The following MGAM variants were observed in gnomAD, a reference collection of about 807,000 sequenced individuals.
MGAM encodes maltase-glucoamylase, also known as alpha-1,4-glucosidase.
Under a neutral mutation model 358.8 loss-of-function variants are expected in MGAM, and 253 were observed. That is an observed-to-expected ratio of 0.71 (90% confidence interval 0.64 to 0.78). The LOEUF (loss-of-function observed/expected upper bound fraction) is 0.78. Ranked by LOEUF, MGAM falls within the 30% of genes least tolerant of loss-of-function variation. The pLI is 0.00. For missense variants in MGAM, 3,080 were observed against 3,432.6 expected (o/e 0.90, Z 2.57); for synonymous variants, 1,105 against 1,227.1 (o/e 0.90, Z 2.08).
intron 37 of MGAM, among the ~76,000 whole-genome samples, chr7:142,064,761 T>C (rs184802274): frequency 2.0e-5 from 3 of 152,250 alleles, no homozygotes; most frequent in African/African-American, 4.8e-5. Flanking sequence ...TTAATGATCC[T>C]AGTGGGAAAG....
intron 29 of MGAM, 55 bp from the exon 30 acceptor site, chr7:142,056,775 G>T: frequency 1.3e-6 from 2 of 1,558,186 alleles, no homozygotes; most frequent in East Asian, 2.3e-5. Flanking sequence ...GATTTCAGGG[G>T]TGATTCGTGA....
intron 65 of MGAM, among the ~76,000 whole-genome samples, chr7:142,097,207 G>A (rs1815999732): frequency 6.6e-6 from 1 of 152,126 alleles, no homozygotes; most frequent in African/African-American, 2.4e-5. Context: ...AAAGTGCTGA[G>A]ATGACAGACG....
rs180872768 is a variant in MGAM, at chr7:142,072,179, G to T, written c.5186+1061G>T. On this transcript the variant is annotated intron_variant, in intron 44 of 70. Coordinates refer to ENST00000475668, the MANE Select transcript of MGAM (RefSeq NM_001365693.1). ...AAGTCCAAAGTCTTTCATTAATAGG[G>T]TATTCAAAACCAATCACAACCTGGT... Among the ~76,000 whole-genome samples, 18 of 145,756 alleles carry T rather than the reference G, an allele frequency of 1.2e-4. 1 individual carries two copies. The highest frequency in any genetic ancestry group is 3.9e-4 in the African/African-American group (16 of 41,132).
At chr7:142,060,017 T>A (rs889733426) in intron 33 of MGAM, 51 bp downstream of exon 33, 488 of 644,962 alleles carry the variant, frequency 7.6e-4, no homozygotes, top group Non-Finnish European at 1.1e-3. Flanking sequence ...GGTGGGTCAC[T>A]GTTGGTGGGT....
At chr7:142,054,611 G>A in intron 26 of MGAM, 143 bp from the exon 27 acceptor site, 1 of 950,010 alleles carries the variant, frequency 1.1e-6, no homozygotes, top group Non-Finnish European at 1.5e-6. Context: ...ATTGTTATCT[G>A]ATATATTAAT....
chr7:142,062,282 C>T (rs1296611003), intron 34 of MGAM, among the ~76,000 whole-genome samples: 2 of 152,138 alleles, frequency 1.3e-5, no homozygotes, highest in Admixed American at 6.5e-5. Context: ...GGTTGGGCAT[C>T]GAGTGCATGA....
chr7:142,085,225 C>CCT (rs1265109097), intron 54 of MGAM, among the ~76,000 whole-genome samples: 1 of 146,454 alleles, frequency 6.8e-6, no homozygotes, highest in African/African-American at 2.4e-5. Context: ...ATCCAATGTA[C>CCT]CATCGCATAT....
rs371423578 is a variant in MGAM, at chr7:142,040,165, C to A, written c.2367C>A (p.Tyr789Ter). ...AYVPDAVWYD[Y>*]ETGSQVRWRK... ...TGCCTGATGCTGTCTGGTATGACTA[C>A]GAGACTGTAAGTAGCTTTGACTTTT... Residue 789 changes from tyrosine to a stop codon, truncating the protein, a stop_gained, in exon 20 of 71, where the codon TAC (tyrosine) becomes TAA (stop). Transcript: ENST00000475668. LOFTEE classifies it high-confidence loss of function. 3 of 1,611,380 alleles carry A rather than the reference C, an allele frequency of 1.9e-6. No homozygotes were observed. In the South Asian group the frequency reaches 3.3e-5, roughly 18 times the overall value.
chr7:142,094,546 A>T (rs1289142013), intron 61 of MGAM, 49 bp downstream of exon 61: 8 of 1,556,394 alleles, frequency 5.1e-6, no homozygotes, highest in Non-Finnish European at 7.1e-6. Context: ...GGGAGTTGGG[A>T]TCCTTGGGGA....
chr7:142,076,730 A>G lies in MGAM; in HGVS notation c.5397A>G (p.Lys1799=), dbSNP rs769983752. 4 of 1,553,330 alleles carry G rather than the reference A, an allele frequency of 2.6e-6. No individual in the cohort carries two copies. The East Asian group carries it at 9.1e-5, about 35-fold the overall frequency. ...ATAATTTAGCATTCAATGAGATTAA[A>G]ATTCTTGGGATGGAGGAACCTAGCA... ...DPNNLAFNEI[K]ILGMEEPSNV... The change falls in exon 47 of 71, where the codon AAA becomes AAG. Residue 1799 remains lysine, a synonymous_variant. Coordinates refer to ENST00000475668, the MANE Select transcript of MGAM (RefSeq NM_001365693.1).
intron 1 of MGAM, among the ~76,000 whole-genome samples, chr7:142,000,591 A>G (rs1238053209): frequency 6.6e-6 from 1 of 152,144 alleles, no homozygotes; most frequent in African/African-American, 2.4e-5. Flanking sequence ...AATTAAAAAC[A>G]CCTGCCGTGT....
At chr7:142,033,766 C>T (rs782199627) in intron 14 of MGAM, among the ~76,000 whole-genome samples, 22 of 152,020 alleles carry the variant, frequency 1.4e-4, no homozygotes, top group African/African-American at 2.2e-4. Context: ...TAAGACATGA[C>T]GAAGCTACTG....
chr7:142,014,443 C>T (rs1010506614), intron 3 of MGAM, among the ~76,000 whole-genome samples: 2 of 152,124 alleles, frequency 1.3e-5, no homozygotes, highest in East Asian at 3.9e-4. Flanking sequence ...TATTTATTTT[C>T]ACAATGGTTT....
intron 18 of MGAM, 64 bp from the exon 19 acceptor site, chr7:142,038,467 A>C: frequency 4.8e-6 from 6 of 1,252,970 alleles, no homozygotes; most frequent in Non-Finnish European, 6.8e-6. Flanking sequence ...GTGTGTGAGT[A>C]GAGCTGCTAC....
chr7:142,060,269 A>G, intron 33 of MGAM, 42 bp from the exon 34 acceptor site: 1 of 1,602,394 alleles, frequency 6.2e-7, no homozygotes, highest in Non-Finnish European at 8.6e-7. Flanking sequence ...ATGTAAGGGA[A>G]ATTGTCTAGT....
At chr7:141,996,864 A>G (rs1437458382) in intron 1 of MGAM, among the ~76,000 whole-genome samples, 1 of 152,090 alleles carries the variant, frequency 6.6e-6, no homozygotes, top group African/African-American at 2.4e-5. Context: ...AGGAGGTCAT[A>G]AAGAGAAAGG....
chr7:142,071,536 G>A (rs1319734028), intron 44 of MGAM, among the ~76,000 whole-genome samples: 3 of 146,014 alleles, frequency 2.1e-5, no homozygotes, highest in African/African-American at 7.3e-5. Flanking sequence ...CAGCCTCCTT[G>A]GTTTGCCAGG....
chr7:142,043,128 TATTA>T (rs1423542912), intron 21 of MGAM, among the ~76,000 whole-genome samples: 276 of 24,072 alleles, frequency 0.011, no homozygotes, highest in Admixed American at 0.02. Context: ...ATAATATATA[TATTA>T]TATATACATA....
intron 21 of MGAM, among the ~76,000 whole-genome samples, chr7:142,043,387 T>C (rs868405255): frequency 1.3e-3 from 13 of 10,238 alleles, no homozygotes; most frequent in Admixed American, 2.6e-3. Context: ...ATAATATCTA[T>C]ATTATATATA....
Sources: allele counts gnomAD v4.1 joint callset (sites outside exome capture counted in the v4.1 genomes callset), GRCh38; gene constraint gnomAD v4.1.1; transcripts MANE v1.5; gene names NCBI Gene and HGNC (gene_info 2026-07-23, HGNC 2026-07-21).